Variants in NINL observed in about 807,000 individuals in gnomAD.
NINL encodes the protein ninein like.
Under a neutral mutation model 160.3 loss-of-function variants are expected in NINL, and 153 were observed. The ratio of observed to expected loss-of-function variants is 0.95; its 90% CI spans 0.84 to 1.09. The LOEUF (loss-of-function observed/expected upper bound fraction) is 1.09. Among genes scored for constraint, NINL ranks in the 50% least tolerant of loss-of-function variants. NINL has a pLI of 0.00. For synonymous variants in NINL, 800 were observed against 734.8 expected, an observed-to-expected ratio of 1.09 and a Z score of -1.43; for missense variants, 1,829 against 1,764.0, an observed-to-expected ratio of 1.04 and a Z score of -0.66.
intron 2 of NINL, among the ~76,000 whole-genome samples, 200 bp from the exon 3 acceptor site, chr20:25,518,049 C>A (rs1405541819): frequency 6.6e-6 from 1 of 152,182 alleles, no homozygotes; most frequent in Admixed American, 6.5e-5. Context: ...GGACCATAAT[C>A]CTACCACCAA....
In NINL at chr20:25,510,604, G is replaced by A; in HGVS notation, c.517+70C>T. On this transcript the variant is annotated intron_variant, in intron 5 of 23. Transcript: ENST00000278886. ...AACTTGTGGTTGCACACTGCCCAAT[G>A]ACCCGGCTGTTCAGCTTTCAAAGCT... 3.7e-6 allele frequency: 5 copies of A among 1,368,060 alleles called. No individual in the cohort carries two copies. In the South Asian group the frequency reaches 4.6e-5, roughly 13 times the overall value. 84.7% of individuals were successfully genotyped at this position (1,368,060 alleles called of 1,614,324 possible).
intron 2 of NINL, among the ~76,000 whole-genome samples, chr20:25,519,604 T>C (rs73335375): frequency 0.021 from 3,169 of 152,240 alleles, 115 homozygotes; most frequent in African/African-American, 0.07. Flanking sequence ...TTAAACAGAA[T>C]GGATAAACAA....
chr20:25,534,751 C>T (rs763288457), intron 1 of NINL, among the ~76,000 whole-genome samples: 1 of 152,190 alleles, frequency 6.6e-6, no homozygotes, highest in Non-Finnish European at 1.5e-5. Context: ...TCCAGGACCT[C>T]TCATGGATAC....
At chr20:25,529,835 C>T (rs2064426146) in intron 1 of NINL, among the ~76,000 whole-genome samples, 1 of 151,992 alleles carries the variant, frequency 6.6e-6, no homozygotes, top group South Asian at 2.1e-4. Flanking sequence ...AGCCAGACCT[C>T]GTCTCAAAAT....
At chr20:25,481,853 CT>C in intron 14 of NINL, 114 bp downstream of exon 14, 1 of 1,443,944 alleles carries the variant, frequency 6.9e-7, no homozygotes. Flanking sequence ...GACCACCTCC[CT>C]TCAGGTCACA....
chr20:25,471,279 C>T (rs776224767), intron 17 of NINL, among the ~76,000 whole-genome samples: 35 of 152,182 alleles, frequency 2.3e-4, no homozygotes, highest in Admixed American at 9.8e-4. Context: ...AGCCACCACG[C>T]CCAGCCCGCT....
In NINL at chr20:25,472,323, G is replaced by GTA. The variant is rs1568859320; in HGVS notation, c.3249-2229_3249-2228insTA. On this transcript the variant is annotated intron_variant, in intron 17 of 23. Transcript: ENST00000278886. ...AATTGAAGAAAATAGTGGGAGGAGA[G>GTA]GATATATATATATATATATATATAT... Among the ~76,000 whole-genome samples the GTA allele has an allele frequency of 2.5e-3, 138 of 54,630 alleles. 1 individual carries two copies. Among genetic ancestry groups the GTA allele is most frequent in the African/African-American group, 6.9e-3 (103 of 14,928 alleles). The allele number at this position is 54,630 out of a possible 152,430, so 35.8% of individuals were successfully genotyped here.
At chr20:25,554,631 A>AAAAACAAAAC (rs1442975854) in intron 1 of NINL, among the ~76,000 whole-genome samples, 12 of 23,940 alleles carry the variant, frequency 5.0e-4, no homozygotes, top group African/African-American at 9.2e-4. Context: ...TACCAAAAAA[A>AAAAACAAAAC]AAAACAAAAA....
At chr20:25,474,068 T>C (rs936016088) in intron 17 of NINL, among the ~76,000 whole-genome samples, 1 of 152,238 alleles carries the variant, frequency 6.6e-6, no homozygotes, top group African/African-American at 2.4e-5. Context: ...GTTCTCTGAC[T>C]GTAGATTATT....
Position 25,476,501 on chromosome 20 carries a change from T to G in NINL, c.2790A>C (p.Ala930=). 1 of 1,603,716 alleles carries G rather than the reference T, an allele frequency of 6.2e-7. No homozygotes were observed. Among genetic ancestry groups the G allele is most frequent in the Non-Finnish European group, 8.5e-7 (1 of 1,179,834 alleles). Residue 930 remains alanine, a synonymous_variant, in exon 17 of 24, where the codon GCA becomes GCC. Transcript: ENST00000278886. The stretch of plus-strand genomic sequence containing the variant: ...GGGCTCCAGGCTGCTCCAGCCCCGC[T>G]GCGCTCGCGCCGAAAGGCTCTGGCT... ...PKEPEPFGAS[A]AGLEQPGARE...
intron 1 of NINL, among the ~76,000 whole-genome samples, chr20:25,539,519 C>T (rs2064625086): frequency 6.6e-6 from 1 of 152,242 alleles, no homozygotes; most frequent in African/African-American, 2.4e-5. Flanking sequence ...CATACGGAGA[C>T]TGCTGCTTAC....
At chr20:25,534,270 T>C (rs143368845) in intron 1 of NINL, among the ~76,000 whole-genome samples, 10 of 152,294 alleles carry the variant, frequency 6.6e-5, no homozygotes, top group African/African-American at 2.4e-4. Flanking sequence ...TGCCTGTTAC[T>C]CCCTTGCAAT....
intron 4 of NINL, 28 bp downstream of exon 4, chr20:25,512,806 G>C (rs747129790): frequency 1.0e-5 from 16 of 1,584,322 alleles, no homozygotes; most frequent in Non-Finnish European, 1.1e-5. Flanking sequence ...ACACTGGGCA[G>C]CTGGGGTGGG....
chr20:25,517,943 A>G, intron 2 of NINL, 94 bp from the exon 3 acceptor site: 1 of 664,214 alleles, frequency 1.5e-6, no homozygotes, highest in South Asian at 2.6e-5. Flanking sequence ...AGATAGAAAT[A>G]TATTATTACT....
chr20:25,557,934 A>G lies in NINL; in HGVS notation c.-12+27521T>C, dbSNP rs575150190. 2.0e-5 allele frequency among the ~76,000 whole-genome samples: 3 copies of G among 150,434 alleles called. No individual in the cohort carries two copies. The South Asian group carries it at 6.4e-4, about 32-fold the overall frequency. ...ACTTGAGGCCAAGAGTTTCAGACCA[A>G]CCTGGCCGACATGGTGAAACCCCGT... On this transcript the variant is annotated intron_variant, in intron 1 of 23. Transcript: ENST00000278886.
chr20:25,511,765 G>A (rs374990385), intron 4 of NINL, among the ~76,000 whole-genome samples: 3 of 152,148 alleles, frequency 2.0e-5, no homozygotes, highest in African/African-American at 4.8e-5. Flanking sequence ...TACTGGCATC[G>A]CCTAGATGTC....
At chr20:25,575,237 A>C (rs939701532) in intron 1 of NINL, among the ~76,000 whole-genome samples, 3 of 151,686 alleles carry the variant, frequency 2.0e-5, no homozygotes, top group African/African-American at 7.3e-5. Flanking sequence ...TCATGAGGTC[A>C]GGAGATCGAG....
rs1484238939 is a variant in NINL, at chr20:25,472,337, A to ATATATG, written c.3249-2243_3249-2242insCATATA. ...GTGGGAGGAGAGGATATATATATAT[A>ATATATG]TATATATATATATATATATATATAT... On this transcript the variant is annotated intron_variant, in intron 17 of 23. Transcript: ENST00000278886. Among the ~76,000 whole-genome samples the ATATATG allele has an allele frequency of 1.8e-3, 82 of 46,310 alleles. 1 individual carries two copies. Among genetic ancestry groups the ATATATG allele is most frequent in the African/African-American group, 6.0e-3 (81 of 13,480 alleles). The allele number at this position is 46,310 out of a possible 152,430, so 30.4% of individuals were successfully genotyped here. A position where few individuals can be genotyped will look rare whatever the true frequency, so the allele number is the denominator to read the frequency against.
intron 1 of NINL, among the ~76,000 whole-genome samples, chr20:25,581,446 T>TAG (rs2065174779): frequency 6.8e-6 from 1 of 147,204 alleles, no homozygotes; most frequent in Admixed American, 6.8e-5. Flanking sequence ...CTTCTCAGTT[T>TAG]AAAAAAAAAA....
Sources: allele counts gnomAD v4.1 joint callset (sites outside exome capture counted in the v4.1 genomes callset), GRCh38; gene constraint gnomAD v4.1.1; transcripts MANE v1.5; gene names NCBI Gene and HGNC (gene_info 2026-07-23, HGNC 2026-07-21).